The following GAS7 variants were observed in gnomAD, a reference collection of about 807,000 sequenced individuals.
GAS7 encodes growth arrest specific 7, also known as growth arrest-specific protein 7.
In GAS7, 28 loss-of-function variants were observed where a neutral mutation model predicts 71.1. That is an observed-to-expected ratio of 0.39 (90% CI 0.29 to 0.54). The LOEUF (loss-of-function observed/expected upper bound fraction) is 0.54. Among genes scored for constraint, GAS7 ranks in the 20% least tolerant of loss-of-function variants. GAS7 has a pLI of 0.62. For synonymous variants in GAS7, 258 were observed against 245.8 expected, an observed-to-expected ratio of 1.05 and a Z score of -0.46; for missense variants, 436 against 627.8, an observed-to-expected ratio of 0.69 and a Z score of 3.27.
chr17:10,003,337 C>T (rs960895851), intron 2 of GAS7, among the ~76,000 whole-genome samples: 20 of 152,218 alleles, frequency 1.3e-4, no homozygotes, highest in Admixed American at 6.5e-4. Flanking sequence ...CAGGTGTTCA[C>T]CCAAAGCCCA....
chr17:9,952,167 T>C (rs2069046095), intron 5 of GAS7, among the ~76,000 whole-genome samples: 1 of 152,198 alleles, frequency 6.6e-6, no homozygotes, highest in Non-Finnish European at 1.5e-5. Context: ...CACCCCCCAC[T>C]GTCTGATTCA....
At chr17:9,977,018 T>C (rs1042540480) in intron 3 of GAS7, among the ~76,000 whole-genome samples, 2 of 152,242 alleles carry the variant, frequency 1.3e-5, no homozygotes. Flanking sequence ...GAAAAACTCA[T>C]GACATCTGAA....
rs775792672 is a variant in GAS7 at position 10,190,266 on chromosome 17, G to A, written c.183+7942C>T. Among the ~76,000 whole-genome samples, 15 of 152,114 alleles carry A rather than the reference G, an allele frequency of 9.9e-5. No homozygotes were observed. The East Asian group carries it at 1.9e-3, about 20-fold the overall frequency. ...GCCTTTTACAGAAAGATTTGCCAACGCAAGTTAAGAAGGAGAAGGCTTTAA... is the reference window on the plus strand; with the variant it reads ...GCCTTTTACAGAAAGATTTGCCAACACAAGTTAAGAAGGAGAAGGCTTTAA... On this transcript the variant is annotated intron_variant, in intron 1 of 13. Coordinates refer to ENST00000432992, the MANE Select transcript of GAS7 (RefSeq NM_201433.2).
intron 2 of GAS7, among the ~76,000 whole-genome samples, chr17:9,982,917 T>C (rs1170325142): frequency 6.6e-6 from 1 of 152,134 alleles, no homozygotes. Flanking sequence ...AGCTATAGTA[T>C]TGTCCCCCAA....
At chr17:10,051,930 G>A (rs1219062765) in intron 1 of GAS7, among the ~76,000 whole-genome samples, 1 of 152,036 alleles carries the variant, frequency 6.6e-6, no homozygotes, top group Non-Finnish European at 1.5e-5. Context: ...TTATCTTTTT[G>A]TTGTTTTTAG....
intron 1 of GAS7, among the ~76,000 whole-genome samples, chr17:10,133,705 C>G (rs1419589010): frequency 1.3e-5 from 2 of 150,214 alleles, no homozygotes; most frequent in East Asian, 3.9e-4. Context: ...CATAGCCCCA[C>G]CCCACCCAGC....
At chr17:10,093,798 A>G (rs918579924) in intron 1 of GAS7, among the ~76,000 whole-genome samples, 1 of 152,138 alleles carries the variant, frequency 6.6e-6, no homozygotes, top group African/African-American at 2.4e-5. Flanking sequence ...TTCACTGAAC[A>G]CTACTACGTA....
chr17:10,033,621 G>C (rs941971944), intron 1 of GAS7, among the ~76,000 whole-genome samples: 1 of 152,234 alleles, frequency 6.6e-6, no homozygotes, highest in Non-Finnish European at 1.5e-5. Flanking sequence ...GCTGCCCGCA[G>C]ATGCACCGGG....
intron 1 of GAS7, among the ~76,000 whole-genome samples, chr17:10,029,266 C>G (rs56075418): frequency 0.022 from 3,414 of 152,286 alleles, 43 homozygotes; most frequent in Non-Finnish European, 0.035. Context: ...GGTAGCCAAG[C>G]TGTCTTTCAC....
intron 1 of GAS7, among the ~76,000 whole-genome samples, chr17:10,037,798 A>G (rs1323239605): frequency 1.3e-5 from 2 of 152,122 alleles, no homozygotes; most frequent in Admixed American, 6.6e-5. Context: ...GCTCAATGAA[A>G]GCTAGGATTT....
intron 1 of GAS7, among the ~76,000 whole-genome samples, chr17:10,121,997 A>G (rs2073908247): frequency 6.6e-6 from 1 of 152,134 alleles, no homozygotes; most frequent in Admixed American, 6.5e-5. Flanking sequence ...CGCCTCCAAC[A>G]AAGGCACTGA....
chr17:10,117,777 G>C (rs569564368), intron 1 of GAS7, among the ~76,000 whole-genome samples: 74 of 152,182 alleles, frequency 4.9e-4, no homozygotes, highest in Non-Finnish European at 9.4e-4. Flanking sequence ...CGGCAGCATT[G>C]TGGTGGCAGC....
intron 2 of GAS7, among the ~76,000 whole-genome samples, chr17:10,008,250 G>A (rs952472332): frequency 2.5e-4 from 38 of 152,304 alleles, no homozygotes; most frequent in African/African-American, 8.7e-4. Context: ...ATACAGCTAG[G>A]AGTGGAATAT....
Position 9,981,691 on chromosome 17 carries a change from C to T in GAS7, c.385+113G>A. The T allele has an allele frequency of 2.8e-6, 2 of 702,922 alleles. No homozygotes were observed. The highest frequency in any genetic ancestry group is 2.6e-6 in the Non-Finnish European group (1 of 389,996). The allele number at this position is 702,922 out of a possible 1,614,324, so 43.5% of individuals were successfully genotyped here. ...ACCCTCTCCCAGGCCCAACCCCTCC[C>T]TGGGTTTGCTACATCAGCCAGGTTT... On this transcript the variant is annotated intron_variant, in intron 3 of 13. Transcript: ENST00000432992. This position sits in a 1 kb window ranked among gnomAD's most constrained non-coding sequence, Gnocchi z 4.4.
chr17:9,980,315 A>G (rs913504188), intron 3 of GAS7, among the ~76,000 whole-genome samples: 2 of 152,096 alleles, frequency 1.3e-5, no homozygotes, highest in Admixed American at 1.3e-4. Flanking sequence ...CCCTGCTCTG[A>G]AAGGTGAGGA....
At chr17:10,022,677 C>T (rs2072315216) in intron 1 of GAS7, among the ~76,000 whole-genome samples, 1 of 152,196 alleles carries the variant, frequency 6.6e-6, no homozygotes, top group South Asian at 2.1e-4. Flanking sequence ...GCACCTAGGG[C>T]AGCGCCTGTC....
intron 2 of GAS7, among the ~76,000 whole-genome samples, chr17:9,992,714 A>C (rs1338900239): frequency 4.0e-4 from 59 of 147,618 alleles, no homozygotes; most frequent in Admixed American, 6.0e-4. Context: ...CCAACTCATC[A>C]TCTAGCATTA....
chr17:10,016,624 A>AAAAAAAAAAAAAAAAAAAT (rs2072026192), intron 2 of GAS7, among the ~76,000 whole-genome samples: 1 of 144,286 alleles, frequency 6.9e-6, no homozygotes, highest in African/African-American at 2.5e-5. Flanking sequence ...AAAAAAAAAA[A>AAAAAAAAAAAAAAAAAAAT]CAAAACAAAA....
At chr17:10,033,228 T>C (rs750544360) in intron 1 of GAS7, among the ~76,000 whole-genome samples, 3 of 152,134 alleles carry the variant, frequency 2.0e-5, no homozygotes, top group Admixed American at 6.5e-5. Flanking sequence ...CCTAGGGAGT[T>C]CCTGGAAGGG....
Sources: gnomAD v4.1 joint callset for allele counts (sites outside exome capture counted in the v4.1 genomes callset) on GRCh38, gnomAD v4.1.1 for gene constraint, Gnocchi (gnomAD v3.1) non-coding constraint, MANE v1.5 for transcripts, NCBI Gene and HGNC (gene_info 2026-07-23, HGNC 2026-07-21) for gene names.